The following THAP8 variants were observed in gnomAD, a reference collection of about 807,000 sequenced individuals.
THAP8 encodes the protein THAP domain-containing protein 8.
THAP8 carries 24 observed loss-of-function variants against 25.0 expected under a neutral mutation model. That is an observed-to-expected ratio of 0.96 (90% CI 0.69 to 1.35). The LOEUF (loss-of-function observed/expected upper bound fraction) is 1.35. THAP8 is among the 40% of genes most tolerant of loss of function. The probability of loss-of-function intolerance (pLI) is 0.00; values close to 1 mark genes in which losing one functional copy is unlikely to be tolerated. For missense variants in THAP8, 399 were observed against 368.8 expected (o/e 1.08, Z -0.67); for synonymous variants, 169 against 157.6 (o/e 1.07, Z -0.54).
intron 1 of THAP8, among the ~76,000 whole-genome samples, chr19:36,041,855 A>C (rs1015159952): frequency 6.6e-6 from 1 of 151,288 alleles, no homozygotes. Flanking sequence ...CTGAGGCAGG[A>C]GGATCTCCTG....
intron 1 of THAP8, among the ~76,000 whole-genome samples, 176 bp from the exon 2 acceptor site, chr19:36,040,312 T>C (rs1053774171): frequency 2.6e-5 from 4 of 152,170 alleles, no homozygotes; most frequent in Admixed American, 2.6e-4. Flanking sequence ...CAACCCTTTT[T>C]TCAGCTTCAT....
rs769401839 is a variant in THAP8 at position 36,035,479 on chromosome 19, G to A, written c.786C>T (p.Ala262=). 2.5e-6 allele frequency: 4 copies of A among 1,614,124 alleles called. No individual in the cohort carries two copies. The South Asian group carries it at 3.3e-5, about 13-fold the overall frequency. ...AQDPAPATVD[A]KPELLDTRIP... Reference sequence around the variant, plus strand: ...TCCGAGTGTCCAGGAGCTCCGGCTTGGCATCCACTGTGGCAGGTGCAGGGT... The same window carrying A: ...TCCGAGTGTCCAGGAGCTCCGGCTTAGCATCCACTGTGGCAGGTGCAGGGT... Residue 262 remains alanine, a synonymous_variant, in exon 4 of 4, where the codon GCC becomes GCT. Transcript: ENST00000292894.
At chr19:36,053,552 C>CAAA (rs766799036) in intron 1 of THAP8, among the ~76,000 whole-genome samples, 19 of 58,900 alleles carry the variant, frequency 3.2e-4, no homozygotes, top group East Asian at 7.3e-4. Flanking sequence ...GATCTTGTCT[C>CAAA]AAAAAAAAAA....
At chr19:36,037,129 G>A (rs1969483471) in intron 3 of THAP8, among the ~76,000 whole-genome samples, 1 of 151,698 alleles carries the variant, frequency 6.6e-6, no homozygotes, top group Admixed American at 6.6e-5. Context: ...TTTAAGACAG[G>A]AGAAATTTCG....
intron 1 of THAP8, among the ~76,000 whole-genome samples, chr19:36,048,368 CTTT>C (rs574325189): frequency 2.1e-5 from 3 of 141,060 alleles, no homozygotes. Flanking sequence ...GACTTCATTT[CTTT>C]TTTTTTTTTT....
chr19:36,054,350 G>C (rs1471913259), upstream of THAP8: 2 of 1,124,038 alleles, frequency 1.8e-6, no homozygotes, highest in Non-Finnish European at 2.6e-6. Context: ...GTCACGTACC[G>C]GGGAGAGAGC....
chr19:36,038,896 C>G (rs1599715415), intron 3 of THAP8, among the ~76,000 whole-genome samples: 1 of 151,946 alleles, frequency 6.6e-6, no homozygotes, highest in East Asian at 1.9e-4. Flanking sequence ...CTCAAAGGGT[C>G]ATAGTGAGTT....
At position 36,035,264 on chromosome 19, in the gene THAP8, C is replaced by A. The variant is rs1969388834; in HGVS notation, c.*176G>T. 5.2e-6 allele frequency: 4 copies of A among 764,586 alleles called. No homozygotes were observed. The highest frequency in any genetic ancestry group is 3.5e-5 in the African/African-American group (2 of 56,882). The allele number at this position is 764,586 out of a possible 1,614,324, so 47.4% of individuals were successfully genotyped here. On this transcript the variant is annotated 3_prime_UTR_variant, in exon 4 of 4. Coordinates refer to ENST00000292894, the MANE Select transcript of THAP8 (RefSeq NM_152658.3). Reference sequence around the variant, plus strand: ...TTGGGGGCTGATGAGAGACTTGGGCCCAGGTCACCCCTAAGGTTCAAGAGA... The same window carrying A: ...TTGGGGGCTGATGAGAGACTTGGGCACAGGTCACCCCTAAGGTTCAAGAGA...
chr19:36,054,097 T>C (rs1599733215), intron 1 of THAP8, 38 bp downstream of exon 1: 1 of 1,597,302 alleles, frequency 6.3e-7, no homozygotes, highest in Non-Finnish European at 8.5e-7. Context: ...CCTCTCAGGG[T>C]CCCGCCTCCC....
At chr19:36,049,197 C>T (rs1041230254) in intron 1 of THAP8, among the ~76,000 whole-genome samples, 1 of 151,610 alleles carries the variant, frequency 6.6e-6, no homozygotes, top group African/African-American at 2.4e-5. Flanking sequence ...CATTGTCTCC[C>T]CACACAACCA....
chr19:36,052,979 T>C (rs1337913409), intron 1 of THAP8, among the ~76,000 whole-genome samples: 2 of 152,056 alleles, frequency 1.3e-5, no homozygotes, highest in African/African-American at 2.4e-5. Flanking sequence ...TCCAAGCACT[T>C]TGGGAGGCCG....
intron 1 of THAP8, among the ~76,000 whole-genome samples, chr19:36,042,105 G>A (rs190503538): frequency 2.0e-3 from 298 of 151,792 alleles, no homozygotes; most frequent in African/African-American, 6.6e-3. Context: ...GGAGTAAGAG[G>A]GGGAGGAAGA....
At chr19:36,054,490 G>C (rs1227180510), upstream of THAP8, 7 of 579,442 alleles carry the variant, frequency 1.2e-5, no homozygotes, top group Non-Finnish European at 2.2e-5. Context: ...CTTTCATCAC[G>C]TGTTGGGGGG....
At chr19:36,052,084 C>T (rs768235380) in intron 1 of THAP8, among the ~76,000 whole-genome samples, 1 of 150,812 alleles carries the variant, frequency 6.6e-6, no homozygotes, top group African/African-American at 2.4e-5. Flanking sequence ...CTCACTCTGT[C>T]GCCAGGCTGG....
At chr19:36,053,304 G>A (rs547867228) in intron 1 of THAP8, among the ~76,000 whole-genome samples, 1 of 135,300 alleles carries the variant, frequency 7.4e-6, no homozygotes, top group Non-Finnish European at 1.5e-5. Context: ...CTGACCTCAG[G>A]TGATCTGCCC....
intron 1 of THAP8, among the ~76,000 whole-genome samples, chr19:36,051,481 G>C (rs1186946506): frequency 6.6e-6 from 1 of 151,932 alleles, no homozygotes; most frequent in African/African-American, 2.4e-5. Context: ...GAACAGACTG[G>C]GGGTGACGGT....
chr19:36,039,518 C>A lies in THAP8; in HGVS notation c.477G>T (p.Arg159=). 6.4e-7 allele frequency: 1 copy of A among 1,571,478 alleles called. No homozygotes were observed. The highest frequency in any genetic ancestry group is 1.2e-5 in the South Asian group (1 of 85,974). Residue 159 remains arginine, a synonymous_variant, in exon 3 of 4, where the codon CGG becomes CGT. Transcript: ENST00000292894. ...GTTGGGCAGGGACTTCAGGTTGTGA[C>A]CGCTCAGGAGTTGGCGCAGGGGCCA... ...TPLAPAPTPE[R]SQPEVPAQQA... is the part of the protein sequence containing the mutation.
intron 1 of THAP8, among the ~76,000 whole-genome samples, chr19:36,044,788 CA>C (rs1969818162): frequency 6.6e-6 from 1 of 152,174 alleles, no homozygotes; most frequent in Non-Finnish European, 1.5e-5. Context: ...CACCACACCC[CA>C]CCCCTGCTCT....
intron 1 of THAP8, among the ~76,000 whole-genome samples, chr19:36,041,262 A>C (rs751607186): frequency 1.3e-4 from 19 of 151,294 alleles, no homozygotes; most frequent in Non-Finnish European, 2.5e-4. Flanking sequence ...CAGTGAGCCG[A>C]GATTGCGCAA....
Sources: allele counts gnomAD v4.1 joint callset (sites outside exome capture counted in the v4.1 genomes callset), GRCh38; gene constraint gnomAD v4.1.1; transcripts MANE v1.5; gene names NCBI Gene and HGNC (gene_info 2026-07-23, HGNC 2026-07-21).